The following SMYD3 variants were observed in gnomAD, a reference collection of about 807,000 sequenced individuals.
The protein encoded by SMYD3 is SET and MYND domain containing 3.
A neutral mutation model predicts 57.7 loss-of-function variants in SMYD3; 36 were observed. The observed-to-expected ratio is 0.62, with a 90% CI of 0.48 to 0.82. The LOEUF is 0.82. Among genes scored for constraint, SMYD3 ranks in the 40% least tolerant of loss-of-function variants. SMYD3 has a pLI of 0.00. For missense variants in SMYD3, 515 were observed against 538.8 expected, an observed-to-expected ratio of 0.96 and a Z score of 0.44; for synonymous variants, 211 against 195.0, an observed-to-expected ratio of 1.08 and a Z score of -0.68.
At chr1:245,924,412 A>G (rs2056215132) in intron 7 of SMYD3, among the ~76,000 whole-genome samples, 2 of 152,236 alleles carry the variant, frequency 1.3e-5, no homozygotes, top group South Asian at 2.1e-4. Flanking sequence ...GTTTGCAAGG[A>G]AACTGTCCAA....
At chr1:245,825,534 G>A (rs1017950582) in intron 10 of SMYD3, among the ~76,000 whole-genome samples, 1 of 152,170 alleles carries the variant, frequency 6.6e-6, no homozygotes, top group African/African-American at 2.4e-5. Context: ...CAGGCTGGAA[G>A]GGGCTCACTA....
chr1:246,204,407 G>C (rs1049184951), intron 5 of SMYD3, among the ~76,000 whole-genome samples: 1 of 152,178 alleles, frequency 6.6e-6, no homozygotes, highest in Non-Finnish European at 1.5e-5. Context: ...CTTGAAAGCA[G>C]ATCCTGTGTC....
In SMYD3 at chr1:246,174,850, T is replaced by C. The variant is rs570004214; in HGVS notation, c.531+152351A>G. Among the ~76,000 whole-genome samples the C allele has an allele frequency of 2.0e-5, 3 of 152,334 alleles. No individual in the cohort carries two copies. The South Asian group carries it at 6.2e-4, about 32-fold the overall frequency. On this transcript the variant is annotated intron_variant, in intron 5 of 11. Transcript: ENST00000490107. ...CTTTCTTCTTCACACTTTCATCTGG[T>C]AAGCACCTGATAAACTGAAATAACG... is the stretch of plus-strand genomic sequence containing the variant.
At chr1:246,221,108 G>C (rs557752081) in intron 5 of SMYD3, among the ~76,000 whole-genome samples, 1 of 152,192 alleles carries the variant, frequency 6.6e-6, no homozygotes, top group East Asian at 1.9e-4. Flanking sequence ...TCTCTGCCAA[G>C]AGCTGGAGAC....
intron 5 of SMYD3, among the ~76,000 whole-genome samples, chr1:245,946,008 T>C (rs1302230684): frequency 6.6e-6 from 1 of 152,172 alleles, no homozygotes; most frequent in African/African-American, 2.4e-5. Context: ...TAATGCACGC[T>C]GGGATTAGAT....
At chr1:246,230,996 C>T (rs1425261199) in intron 5 of SMYD3, among the ~76,000 whole-genome samples, 1 of 152,150 alleles carries the variant, frequency 6.6e-6, no homozygotes, top group East Asian at 1.9e-4. Flanking sequence ...AACTATTTAT[C>T]ATATGATGTA....
chr1:246,490,910 GAACT>G (rs2068258986), intron 1 of SMYD3, among the ~76,000 whole-genome samples: 1 of 152,120 alleles, frequency 6.6e-6, no homozygotes, highest in Non-Finnish European at 1.5e-5. Flanking sequence ...CAATCAATGA[GAACT>G]AAGTAGAGCA....
chr1:246,144,535 G>C (rs998829973), intron 5 of SMYD3, among the ~76,000 whole-genome samples: 4 of 152,132 alleles, frequency 2.6e-5, no homozygotes, highest in African/African-American at 9.7e-5. Flanking sequence ...CTAATTATAT[G>C]AGAATGGGCA....
intron 5 of SMYD3, among the ~76,000 whole-genome samples, chr1:246,250,672 CTA>C (rs900194023): frequency 9.2e-5 from 14 of 152,156 alleles, no homozygotes; most frequent in African/African-American, 3.4e-4. Context: ...ATTTAGAACT[CTA>C]TCAAACAAAA....
intron 5 of SMYD3, among the ~76,000 whole-genome samples, chr1:246,214,320 T>A (rs1250998810): frequency 6.6e-6 from 1 of 152,076 alleles, no homozygotes; most frequent in African/African-American, 2.4e-5. Context: ...GAGACAAATG[T>A]CATAGCAATC....
chr1:246,436,215 T>C (rs1418716556), intron 1 of SMYD3, among the ~76,000 whole-genome samples: 1 of 145,206 alleles, frequency 6.9e-6, no homozygotes, highest in Non-Finnish European at 1.5e-5. Flanking sequence ...TATACAACAA[T>C]AGAAGAAAGT....
At chr1:246,129,748 G>A (rs1463939376) in intron 5 of SMYD3, among the ~76,000 whole-genome samples, 2 of 152,106 alleles carry the variant, frequency 1.3e-5, no homozygotes, top group Non-Finnish European at 1.5e-5. Context: ...TTTCCCCATC[G>A]AGTTGAGAAA....
At chr1:246,143,501 CA>C (rs997424325) in intron 5 of SMYD3, among the ~76,000 whole-genome samples, 1 of 152,032 alleles carries the variant, frequency 6.6e-6, no homozygotes, top group Non-Finnish European at 1.5e-5. Flanking sequence ...ATCCCATCTC[CA>C]CTAAAAATAC....
intron 1 of SMYD3, among the ~76,000 whole-genome samples, chr1:246,481,782 T>TAGAGAG (rs1428580014): frequency 7.0e-6 from 1 of 142,546 alleles, no homozygotes; most frequent in African/African-American, 2.7e-5. Flanking sequence ...GATATATATA[T>TAGAGAG]ATAGAGAGAG....
chr1:246,029,322 C>T (rs2059626947), intron 5 of SMYD3, among the ~76,000 whole-genome samples: 2 of 152,026 alleles, frequency 1.3e-5, no homozygotes, highest in Admixed American at 6.6e-5. Flanking sequence ...GAATTAATAT[C>T]CAAAATATAA....
chr1:246,403,918 C>G (rs2066817036), intron 1 of SMYD3, among the ~76,000 whole-genome samples: 1 of 152,162 alleles, frequency 6.6e-6, no homozygotes. Context: ...TGTGAAACGT[C>G]TCAGATACCC....
Position 246,138,587 on chromosome 1 carries a change from G to A in SMYD3, c.531+188614C>T, listed in dbSNP as rs530651588. Among the ~76,000 whole-genome samples the A allele has an allele frequency of 1.3e-4, 16 of 121,120 alleles. 1 individual carries two copies. Among genetic ancestry groups the A allele is most frequent in the South Asian group, 9.9e-4 (4 of 4,038 alleles). The allele number at this position is 121,120 out of a possible 152,430, so 79.5% of individuals were successfully genotyped here. ...ACTGCAGGCTCCCGCCACCACGCCC[G>A]GCTAATTTTTTGTATTTTTAGTAGA... On this transcript the variant is annotated intron_variant, in intron 5 of 11. Transcript: ENST00000490107.
intron 1 of SMYD3, among the ~76,000 whole-genome samples, chr1:246,499,153 C>T (rs961438850): frequency 6.6e-6 from 1 of 151,082 alleles, no homozygotes. Flanking sequence ...ATTAAATTTT[C>T]GTTGTTTTAA....
At position 245,817,256 on chromosome 1, in the gene SMYD3, C is replaced by T. The variant is rs1349469652; in HGVS notation, c.1076+41240G>A. ...CCCTGACCCCTGACCCCCGAGCAGCCTAACTGGGAGGCACCCCCCAGCAGG... is the reference window on the plus strand; with the variant it reads ...CCCTGACCCCTGACCCCCGAGCAGCTTAACTGGGAGGCACCCCCCAGCAGG... On this transcript the variant is annotated intron_variant, in intron 10 of 11. Coordinates refer to ENST00000490107, the MANE Select transcript of SMYD3 (RefSeq NM_001167740.2). 2.2e-3 allele frequency among the ~76,000 whole-genome samples: 325 copies of T among 144,702 alleles called. 6 individuals carry two copies. The highest frequency in any genetic ancestry group is 3.5e-3 in the Middle Eastern group (1 of 284). 94.9% of individuals were successfully genotyped at this position (144,702 alleles called of 152,430 possible). A position where few individuals can be genotyped will look rare whatever the true frequency, so the allele number is the denominator to read the frequency against.
Sources: gnomAD v4.1 joint callset for allele counts (sites outside exome capture counted in the v4.1 genomes callset) on GRCh38, gnomAD v4.1.1 for gene constraint, MANE v1.5 for transcripts, NCBI Gene and HGNC (gene_info 2026-07-23, HGNC 2026-07-21) for gene names.